Variants in SCFD1 observed in about 807,000 individuals in gnomAD.
The protein encoded by SCFD1 is sec1 family domain containing 1, also known as sec1 family domain-containing protein 1.
In SCFD1, 37 loss-of-function variants were observed where a neutral mutation model predicts 103.2. The ratio of observed to expected loss-of-function variants is 0.36; its 90% CI spans 0.28 to 0.47. The LOEUF (loss-of-function observed/expected upper bound fraction) is 0.47, where lower values mean the gene tolerates loss of function less well. Among genes scored for constraint, SCFD1 ranks in the 20% least tolerant of loss-of-function variants. The pLI is 1.00. For missense variants in SCFD1, 639 were observed against 761.2 expected (o/e 0.84, Z 1.89); for synonymous variants, 264 against 245.0 (o/e 1.08, Z -0.73).
At chr14:30,627,745 GAAAAA>G (rs11312585) in intron 1 of SCFD1, among the ~76,000 whole-genome samples, 2 of 79,474 alleles carry the variant, frequency 2.5e-5, no homozygotes, top group East Asian at 2.7e-4. Flanking sequence ...CTCTGTCTCA[GAAAAA>G]AAAAAAAAAA....
chr14:30,726,265 A>G (rs1893038875), intron 23 of SCFD1, among the ~76,000 whole-genome samples: 1 of 152,240 alleles, frequency 6.6e-6, no homozygotes, highest in South Asian at 2.1e-4. Context: ...CAAGCTTGAC[A>G]GTTTTACCTC....
In SCFD1 at chr14:30,682,560, A is replaced by G. The variant is rs150431139; in HGVS notation, c.1242+7495A>G. The stretch of plus-strand genomic sequence containing the variant: ...CTATTTTGTTATATTATACAAAGCA[A>G]TTGAGTTTTGGAGAATTCCAGTTAT... On this transcript the variant is annotated intron_variant, in intron 14 of 24. Transcript: ENST00000458591. Among the ~76,000 whole-genome samples the G allele has an allele frequency of 9.5e-3, 1,454 of 152,346 alleles. 7 individuals are homozygous for G. The highest frequency in any genetic ancestry group is 0.044 in the Middle Eastern group (13 of 294).
chr14:30,729,869 A>AT (rs113239037), intron 23 of SCFD1, among the ~76,000 whole-genome samples: 48 of 146,988 alleles, frequency 3.3e-4, no homozygotes, highest in South Asian at 1.3e-3. Flanking sequence ...TACGAAAGGC[A>AT]TTTTTTTTTT....
intron 9 of SCFD1, among the ~76,000 whole-genome samples, chr14:30,652,943 A>T (rs1334888381): frequency 6.6e-6 from 1 of 152,120 alleles, no homozygotes; most frequent in Non-Finnish European, 1.5e-5. Flanking sequence ...TGGGAAGTCA[A>T]GGCTGCAGTG....
chr14:30,716,346 A>C (rs112175391), intron 20 of SCFD1, among the ~76,000 whole-genome samples: 5,493 of 152,324 alleles, frequency 0.036, 154 homozygotes, highest in African/African-American at 0.061. Flanking sequence ...ATAAAAGTTA[A>C]ATTAGGAAAG....
rs142478750 is a variant in SCFD1, at chr14:30,696,939, A to G, written c.1339+2070A>G. Reference sequence around the variant, plus strand: ...TTTCCCATTGTCAGAGGAGGAATTTATAAATATAGAAAGGGAAAAAATTAG... The same window carrying G: ...TTTCCCATTGTCAGAGGAGGAATTTGTAAATATAGAAAGGGAAAAAATTAG... On this transcript the variant is annotated intron_variant, in intron 15 of 24. Transcript: ENST00000458591. Among the ~76,000 whole-genome samples, 50 of 152,358 alleles carry G rather than the reference A, an allele frequency of 3.3e-4. 1 individual carries two copies. The highest frequency in any genetic ancestry group is 1.1e-3 in the African/African-American group (46 of 41,590).
intron 21 of SCFD1, among the ~76,000 whole-genome samples, chr14:30,720,113 T>C (rs1453709988): frequency 6.6e-6 from 1 of 152,326 alleles, no homozygotes; most frequent in East Asian, 1.9e-4. Flanking sequence ...TTCGTATCTT[T>C]GTAGATGGTG....
chr14:30,625,091 TTTTA>T (rs1325857226), intron 1 of SCFD1, among the ~76,000 whole-genome samples: 3 of 152,076 alleles, frequency 2.0e-5, no homozygotes, highest in Non-Finnish European at 4.4e-5. Flanking sequence ...TTTTTTTTTA[TTTTA>T]TTTTTTTTAT....
chr14:30,649,400 C>T, intron 7 of SCFD1, 128 bp from the exon 8 acceptor site: 1 of 656,222 alleles, frequency 1.5e-6, no homozygotes, highest in South Asian at 2.0e-5. Context: ...AAAATAAATA[C>T]ATAAAATCGT....
At chr14:30,714,798 T>C (rs772971721) in intron 19 of SCFD1, among the ~76,000 whole-genome samples, 8 of 152,246 alleles carry the variant, frequency 5.3e-5, no homozygotes, top group Admixed American at 2.0e-4. Context: ...AAGACTGTTC[T>C]CTTCAGAACA....
intron 15 of SCFD1, among the ~76,000 whole-genome samples, chr14:30,696,954 G>GA (rs1207783399): frequency 6.6e-6 from 1 of 152,088 alleles, no homozygotes; most frequent in African/African-American, 2.4e-5. Context: ...TATAGAAAGG[G>GA]AAAAAATTAG....
At chr14:30,733,637 G>T (rs2081983406) in intron 23 of SCFD1, among the ~76,000 whole-genome samples, 1 of 152,184 alleles carries the variant, frequency 6.6e-6, no homozygotes, top group Non-Finnish European at 1.5e-5. Flanking sequence ...TGAATTCTGG[G>T]CCTGGGCTAG....
intron 11 of SCFD1, among the ~76,000 whole-genome samples, 191 bp from the exon 12 acceptor site, chr14:30,673,060 ATAGTAT>A (rs1349216982): frequency 2.0e-5 from 3 of 152,182 alleles, no homozygotes; most frequent in Non-Finnish European, 2.9e-5. Context: ...TTTTAAAGAA[ATAGTAT>A]TATATAGATA....
At chr14:30,675,179 AT>A (rs1888927667) in intron 14 of SCFD1, 114 bp downstream of exon 14, 1 of 486,662 alleles carries the variant, frequency 2.1e-6, no homozygotes, top group Admixed American at 3.7e-5. Flanking sequence ...AACATGAAGT[AT>A]AATTATGGAA....
intron 14 of SCFD1, among the ~76,000 whole-genome samples, chr14:30,684,159 C>T (rs970123730): frequency 1.3e-5 from 2 of 152,152 alleles, no homozygotes; most frequent in African/African-American, 2.4e-5. Context: ...AAAAAGCAAA[C>T]GATGTGTACT....
intron 7 of SCFD1, chr14:30,644,083 A>C (rs1346045489): frequency 2.3e-6 from 1 of 436,372 alleles, no homozygotes; most frequent in East Asian, 7.1e-5. Context: ...CCCACTTACA[A>C]GTGAGAACAT....
At chr14:30,628,098 G>C (rs1388669124) in intron 1 of SCFD1, 111 bp from the exon 2 acceptor site, 2 of 685,470 alleles carry the variant, frequency 2.9e-6, no homozygotes, top group African/African-American at 3.6e-5. Flanking sequence ...TGGTTAATCA[G>C]TTTTACTAGA....
At chr14:30,658,982 G>A (rs1023869163) in intron 10 of SCFD1, among the ~76,000 whole-genome samples, 2 of 152,194 alleles carry the variant, frequency 1.3e-5, no homozygotes, top group African/African-American at 4.8e-5. Context: ...TTGATAGGAA[G>A]TGTCTACTGA....
At chr14:30,674,180 G>C (rs1039164092) in intron 13 of SCFD1, among the ~76,000 whole-genome samples, 183 bp downstream of exon 13, 2 of 152,128 alleles carry the variant, frequency 1.3e-5, no homozygotes, top group African/African-American at 4.8e-5. Context: ...TTCCCTCTTA[G>C]ATATAGGAGA....
Sources: allele counts gnomAD v4.1 joint callset (sites outside exome capture counted in the v4.1 genomes callset), GRCh38; gene constraint gnomAD v4.1.1; transcripts MANE v1.5; gene names NCBI Gene and HGNC (gene_info 2026-07-23, HGNC 2026-07-21).